The following CA10 variants were observed in gnomAD, a reference collection of about 807,000 sequenced individuals.
CA10 encodes carbonic anhydrase 10 (inactive).
Under a neutral mutation model 44.2 loss-of-function variants are expected in CA10, and 14 were observed. That is an observed-to-expected ratio of 0.32 (90% CI 0.21 to 0.50). CA10 has a LOEUF of 0.50. Among genes scored for constraint, CA10 ranks in the 20% least tolerant of loss-of-function variants. The pLI is 0.99. For missense variants in CA10, 350 were observed against 409.7 expected (o/e 0.85, Z 1.26); for synonymous variants, 159 against 141.6 (o/e 1.12, Z -0.87).
intron 3 of CA10, among the ~76,000 whole-genome samples, chr17:51,800,608 G>A (rs896012502): frequency 6.6e-6 from 1 of 152,120 alleles, no homozygotes; most frequent in Non-Finnish European, 1.5e-5. Context: ...AATCTATGAT[G>A]CTATAGATTG....
At chr17:51,748,164 T>G (rs1904772391) in intron 3 of CA10, among the ~76,000 whole-genome samples, 1 of 152,216 alleles carries the variant, frequency 6.6e-6, no homozygotes, top group South Asian at 2.1e-4. Flanking sequence ...GAGTTCTAAA[T>G]CTCAGCTGTG....
chr17:51,883,152 T>C (rs1431345692), intron 3 of CA10, among the ~76,000 whole-genome samples: 2 of 152,228 alleles, frequency 1.3e-5, no homozygotes, highest in Admixed American at 1.3e-4. Flanking sequence ...AACTGTGGTT[T>C]GATTTTATTT....
intron 3 of CA10, among the ~76,000 whole-genome samples, chr17:51,771,235 C>G (rs1905599421): frequency 1.3e-5 from 2 of 151,940 alleles, no homozygotes. Context: ...CAAACACCTC[C>G]CACTAGGCTC....
At chr17:51,868,914 G>A (rs1171913332) in intron 3 of CA10, among the ~76,000 whole-genome samples, 1 of 149,896 alleles carries the variant, frequency 6.7e-6, no homozygotes, top group Non-Finnish European at 1.5e-5. Flanking sequence ...TACAAAAGAT[G>A]TTATAAAAGG....
At chr17:52,010,812 CAGTT>C (rs5820897) in intron 2 of CA10, among the ~76,000 whole-genome samples, 49,829 of 151,284 alleles carry the variant, frequency 0.33, 9,841 homozygotes, top group East Asian at 0.73. Flanking sequence ...AGTGCTGTTT[CAGTT>C]AGACTCAGAA....
chr17:52,082,315 A>G (rs1056872325), intron 1 of CA10, among the ~76,000 whole-genome samples: 4 of 152,358 alleles, frequency 2.6e-5, no homozygotes, highest in Admixed American at 2.0e-4. Context: ...GTGTAACTCA[A>G]TAATAGTGGA....
intron 2 of CA10, among the ~76,000 whole-genome samples, chr17:52,039,495 C>A (rs1488917083): frequency 6.6e-6 from 1 of 151,986 alleles, no homozygotes; most frequent in East Asian, 2.0e-4. Flanking sequence ...GATGGCTGAA[C>A]CAATGGGCTC....
intron 2 of CA10, among the ~76,000 whole-genome samples, chr17:52,015,913 T>C (rs1257364192): frequency 1.3e-5 from 2 of 152,088 alleles, no homozygotes; most frequent in Non-Finnish European, 1.5e-5. Context: ...CCACGTTGGA[T>C]GTGGGGAGGA....
intron 3 of CA10, among the ~76,000 whole-genome samples, chr17:51,824,077 ATGTTT>A (rs71901421): frequency 0.084 from 12,728 of 152,202 alleles, 755 homozygotes; most frequent in African/African-American, 0.15. Flanking sequence ...AACAATAGAG[ATGTTT>A]TGTTTTGTTA....
intron 2 of CA10, among the ~76,000 whole-genome samples, chr17:52,041,966 G>GA (rs369220998): frequency 2.6e-5 from 4 of 151,992 alleles, no homozygotes; most frequent in African/African-American, 7.2e-5. Flanking sequence ...GTGTCTGTGA[G>GA]AAAATCACAT....
intron 8 of CA10, 29 bp downstream of exon 8, chr17:51,633,447 T>G (rs768257890): frequency 1.0e-5 from 16 of 1,600,954 alleles, no homozygotes; most frequent in Non-Finnish European, 1.3e-5. Flanking sequence ...CTAGCCTAGA[T>G]CCTCCACTCT....
At chr17:52,006,337 G>A (rs1390417744) in intron 2 of CA10, among the ~76,000 whole-genome samples, 1 of 151,504 alleles carries the variant, frequency 6.6e-6, no homozygotes, top group Non-Finnish European at 1.5e-5. Context: ...CTAAATATGG[G>A]GCTAAAATTA....
chr17:52,111,383 C>A (rs980524824), intron 1 of CA10, among the ~76,000 whole-genome samples: 1 of 152,196 alleles, frequency 6.6e-6, no homozygotes, highest in Non-Finnish European at 1.5e-5. Flanking sequence ...TTCACTGTGA[C>A]ATGTTTCCAA....
chr17:51,829,475 C>T (rs1454066094), intron 3 of CA10, among the ~76,000 whole-genome samples: 1 of 152,056 alleles, frequency 6.6e-6, no homozygotes, highest in Non-Finnish European at 1.5e-5. Context: ...TGAAGGCAGC[C>T]ATGAGGAGCT....
chr17:51,912,144 T>C (rs542039482), intron 3 of CA10, among the ~76,000 whole-genome samples: 5 of 152,174 alleles, frequency 3.3e-5, no homozygotes, highest in African/African-American at 2.4e-5. Flanking sequence ...GCAAACTTGA[T>C]GGAATAAATA....
intron 2 of CA10, among the ~76,000 whole-genome samples, chr17:51,968,093 C>G (rs572684034): frequency 6.6e-6 from 1 of 151,936 alleles, no homozygotes; most frequent in African/African-American, 2.4e-5. Context: ...GCAAGAGAAA[C>G]TCTAACATTG....
chr17:51,868,518 A>G (rs1162147695), intron 3 of CA10, among the ~76,000 whole-genome samples: 3 of 152,124 alleles, frequency 2.0e-5, no homozygotes, highest in Admixed American at 6.6e-5. Flanking sequence ...TTACACTACC[A>G]ACCCTGCCCA....
intron 2 of CA10, among the ~76,000 whole-genome samples, chr17:52,024,019 T>C (rs1283830247): frequency 2.0e-5 from 3 of 152,136 alleles, no homozygotes; most frequent in Non-Finnish European, 4.4e-5. Context: ...TTATCAGTTT[T>C]AGAAAATTCT....
chr17:51,844,012 G>A (rs1312796747), intron 3 of CA10, among the ~76,000 whole-genome samples: 2 of 152,100 alleles, frequency 1.3e-5, no homozygotes, highest in African/African-American at 4.8e-5. Flanking sequence ...TTATAAAAAT[G>A]CTCTGTAAAT....
Sources: allele counts gnomAD v4.1 joint callset (sites outside exome capture counted in the v4.1 genomes callset), GRCh38; gene constraint gnomAD v4.1.1; transcripts MANE v1.5; gene names NCBI Gene and HGNC (gene_info 2026-07-23, HGNC 2026-07-21).